Variants in ACTL6A observed in about 807,000 individuals in gnomAD.
The protein encoded by ACTL6A is actin-like protein 6A.
ACTL6A carries 5 observed loss-of-function variants against 59.2 expected under a neutral mutation model. That is an observed-to-expected ratio of 0.08 (90% CI 0.04 to 0.18). The LOEUF (loss-of-function observed/expected upper bound fraction) is 0.18, where lower values mean the gene tolerates loss of function less well. ACTL6A is among the 10% of genes least tolerant of loss of function. ACTL6A has a pLI of 1.00. For missense variants in ACTL6A, 285 were observed against 526.9 expected (o/e 0.54, Z 4.49); for synonymous variants, 154 against 171.8 (o/e 0.90, Z 0.81).
chr3:179,574,521 A>G (rs1718108199), intron 5 of ACTL6A, 54 bp downstream of exon 5: 13 of 1,225,792 alleles, frequency 1.1e-5, no homozygotes, highest in Non-Finnish European at 1.4e-5. Context: ...ATACTAATGA[A>G]TATGATAACT....
In ACTL6A at chr3:179,570,863, C is replaced by G. The variant is rs1031148121; in HGVS notation, c.277+622C>G. 1.3e-5 allele frequency among the ~76,000 whole-genome samples: 2 copies of G among 151,962 alleles called. No homozygotes were observed. The highest frequency in any genetic ancestry group is 4.8e-5 in the African/African-American group (2 of 41,336). ...ATTAAGCTAGTGACTGAAGGATAAC[C>G]CCAAAGGAATTTAAACAGATGTGAT... is the stretch of plus-strand genomic sequence containing the variant. On this transcript the variant is annotated intron_variant, in intron 3 of 13. Coordinates refer to ENST00000429709, the MANE Select transcript of ACTL6A (RefSeq NM_004301.5). The surrounding 1 kb of genome is among the most constrained non-coding windows in gnomAD (Gnocchi z 4.3).
intron 9 of ACTL6A, 45 bp downstream of exon 9, chr3:179,580,746 A>G: frequency 6.9e-7 from 1 of 1,457,896 alleles, no homozygotes; most frequent in Non-Finnish European, 9.4e-7. Flanking sequence ...TGAGGAAAGG[A>G]TTTGTTTAAA....
At chr3:179,563,933 C>A in intron 1 of ACTL6A, among the ~76,000 whole-genome samples, 1 of 152,110 alleles carries the variant, frequency 6.6e-6, no homozygotes, top group Admixed American at 6.6e-5. Flanking sequence ...GCGCTTTGGT[C>A]TTGGGCAGTT....
rs1210541121 is a variant in ACTL6A at position 179,563,015 on chromosome 3, C to T, written c.-78C>T. Reference sequence around the variant, plus strand: ...GTTAAGGGAGTCAGGGGCTATCGCTCCTCGAGACTCGCAGTCGCGGCCACT... The same window carrying T: ...GTTAAGGGAGTCAGGGGCTATCGCTTCTCGAGACTCGCAGTCGCGGCCACT... On this transcript the variant is annotated 5_prime_UTR_variant, in exon 1 of 14. Transcript: ENST00000429709. 4.4e-6 allele frequency: 7 copies of T among 1,574,244 alleles called. No individual in the cohort carries two copies. The highest frequency in any genetic ancestry group is 4.0e-5 in the African/African-American group (3 of 74,280).
Position 179,580,707 on chromosome 3 carries a change from T to C in ACTL6A, c.830+6T>C. On this transcript the variant is annotated splice_donor_region_variant and intron_variant, in intron 9 of 13. Coordinates refer to ENST00000429709, the MANE Select transcript of ACTL6A (RefSeq NM_004301.5). Reference sequence around the variant, plus strand: ...GATTCAACTTATGATGAACAGTATGTTTTCTTATTAAAATGTATACTTTAT... The same window carrying C: ...GATTCAACTTATGATGAACAGTATGCTTTCTTATTAAAATGTATACTTTAT... 6.3e-7 allele frequency: 1 copy of C among 1,584,788 alleles called. No individual in the cohort carries two copies. Among genetic ancestry groups the C allele is most frequent in the Non-Finnish European group, 8.6e-7 (1 of 1,160,886 alleles).
intron 1 of ACTL6A, 134 bp downstream of exon 1, chr3:179,563,251 CCCCGCCCCACGCTCTG>C (rs1717722520): frequency 2.9e-6 from 4 of 1,397,062 alleles, no homozygotes; most frequent in Non-Finnish European, 3.8e-6. Context: ...CCCGCCCCGT[CCCCGCCCCACGCTCTG>C]CCCGCCCCCG....
chr3:179,563,149 C>G, intron 1 of ACTL6A, 32 bp downstream of exon 1: 2 of 1,604,742 alleles, frequency 1.2e-6, no homozygotes, highest in Non-Finnish European at 1.7e-6. Context: ...AGAGAGCGCG[C>G]CTTTTCGGCG....
chr3:179,587,866 A>AAAT, intron 13 of ACTL6A, 64 bp from the exon 14 acceptor site: 3 of 1,354,356 alleles, frequency 2.2e-6, no homozygotes, highest in Non-Finnish European at 3.0e-6. Context: ...AAAAAAAAAA[A>AAAT]TTTTTTAAGC....
chr3:179,568,372 G>A (rs1356406140), intron 1 of ACTL6A, among the ~76,000 whole-genome samples: 4 of 152,146 alleles, frequency 2.6e-5, no homozygotes, highest in Admixed American at 6.6e-5. Flanking sequence ...TCACCAGTGA[G>A]ATTAAATAGA....
chr3:179,583,496 T>A, intron 12 of ACTL6A, 48 bp downstream of exon 12: 1 of 1,445,494 alleles, frequency 6.9e-7, no homozygotes, highest in East Asian at 2.3e-5. Flanking sequence ...ATATATTTCC[T>A]CACTGATGGT....
At chr3:179,573,174 C>T in intron 3 of ACTL6A, 195 bp from the exon 4 acceptor site, 1 of 430,518 alleles carries the variant, frequency 2.3e-6, no homozygotes, top group South Asian at 6.0e-5. Flanking sequence ...CTGGAGGGAC[C>T]AAAAAGAAGT....
intron 3 of ACTL6A, among the ~76,000 whole-genome samples, chr3:179,572,966 G>A (rs1718055293): frequency 6.7e-6 from 1 of 148,152 alleles, no homozygotes; most frequent in East Asian, 2.0e-4. Context: ...GTCGGGTCTA[G>A]ACCATACAAT....
At chr3:179,578,722 A>C (rs1007416164) in intron 8 of ACTL6A, among the ~76,000 whole-genome samples, 1 of 152,244 alleles carries the variant, frequency 6.6e-6, no homozygotes, top group African/African-American at 2.4e-5. Context: ...ACCAAAAGTG[A>C]ATAAACGTTC....
At chr3:179,573,008 G>A (rs1329021914) in intron 3 of ACTL6A, among the ~76,000 whole-genome samples, 1 of 143,784 alleles carries the variant, frequency 7.0e-6, no homozygotes, top group Non-Finnish European at 1.5e-5. Context: ...TATAAATCCA[G>A]CAGTAGTATC....
At chr3:179,574,688 T>C in intron 5 of ACTL6A, 1 of 404,232 alleles carries the variant, frequency 2.5e-6, no homozygotes, top group Non-Finnish European at 4.4e-6. Flanking sequence ...TTCTGAGTGT[T>C]AAGACGTTTT....
chr3:179,579,854 T>C (rs1032393384), intron 8 of ACTL6A, among the ~76,000 whole-genome samples: 14 of 152,152 alleles, frequency 9.2e-5, no homozygotes, highest in African/African-American at 3.4e-4. Context: ...GCAGTTGTAG[T>C]TCACTGCAGT....
intron 8 of ACTL6A, 71 bp downstream of exon 8, chr3:179,576,984 T>C (rs1718187105): frequency 3.2e-6 from 4 of 1,245,288 alleles, no homozygotes; most frequent in Non-Finnish European, 2.3e-6. Flanking sequence ...AAGTTATATA[T>C]AGGCTGTAAA....
rs1360858521 is a variant in ACTL6A, at chr3:179,588,318, CT to C, written c.*309del. On this transcript the variant is annotated 3_prime_UTR_variant, in exon 14 of 14. Transcript: ENST00000429709. ...ATTAATTACCAGTGGATTGGTAGAACTGCTTTTTATTGACTAGTAAAAGTTA... is the reference window on the plus strand; with the variant it reads ...ATTAATTACCAGTGGATTGGTAGAACGCTTTTTATTGACTAGTAAAAGTTA... The C allele has an allele frequency of 2.8e-5, 7 of 251,170 alleles. No homozygotes were observed. The highest frequency in any genetic ancestry group is 4.5e-5 in the Non-Finnish European group (6 of 134,014). The allele number at this position is 251,170 out of a possible 1,614,324, so 15.6% of individuals were successfully genotyped here.
chr3:179,584,660 C>G (rs1031292737), intron 12 of ACTL6A, among the ~76,000 whole-genome samples: 1 of 151,666 alleles, frequency 6.6e-6, no homozygotes, highest in Non-Finnish European at 1.5e-5. Context: ...TGGCACGTGC[C>G]TGTAATCCCA....
Sources: allele counts gnomAD v4.1 joint callset (sites outside exome capture counted in the v4.1 genomes callset), GRCh38; gene constraint gnomAD v4.1.1; non-coding constraint Gnocchi (gnomAD v3.1); transcripts MANE v1.5; gene names NCBI Gene and HGNC (gene_info 2026-07-23, HGNC 2026-07-21).